The following MRPL22 variants were observed in gnomAD, a reference collection of about 807,000 sequenced individuals.
The protein encoded by MRPL22 is mitochondrial ribosomal protein L22.
MRPL22 carries 27 observed loss-of-function variants against 32.4 expected under a neutral mutation model. The observed-to-expected ratio is 0.83, with a 90% CI of 0.61 to 1.15. The LOEUF (loss-of-function observed/expected upper bound fraction) is 1.15, where lower values mean the gene tolerates loss of function less well. Ranked by LOEUF, MRPL22 falls within the 50% of genes most tolerant of loss-of-function variation. The probability of loss-of-function intolerance (pLI) is 0.00; values close to 1 mark genes in which losing one functional copy is unlikely to be tolerated. For missense variants in MRPL22, 239 were observed against 260.2 expected (o/e 0.92, Z 0.56); for synonymous variants, 86 against 87.3 (o/e 0.99, Z 0.08).
At chr5:154,956,891 G>A (rs953355969) in intron 4 of MRPL22, 1 of 443,280 alleles carries the variant, frequency 2.3e-6, no homozygotes, top group Non-Finnish European at 4.0e-6. Context: ...TGGTCTCTCT[G>A]TCATGTTTGC....
In MRPL22 at chr5:154,941,118, CG is replaced by C; in HGVS notation, c.10del (p.Ala4GlnfsTer14). The C allele has an allele frequency of 6.2e-7, 1 of 1,613,878 alleles. No homozygotes were observed. Among genetic ancestry groups the C allele is most frequent in the Non-Finnish European group, 8.5e-7 (1 of 1,180,020 alleles). ...GTAGCGGGAGGGCGAAAGATGGCGGCGGCAGTACTGGGACAGTTGGGTAAGG... is the reference window on the plus strand; with the variant it reads ...GTAGCGGGAGGGCGAAAGATGGCGGCGCAGTACTGGGACAGTTGGGTAAGG... Reference protein sequence around the residue: MAAAVLGQLGALW... With the variant: MAXAVLGQLGALW... On this transcript the variant is annotated frameshift_variant, in exon 1 of 7. Coordinates refer to ENST00000523037, the MANE Select transcript of MRPL22 (RefSeq NM_014180.4). LOFTEE classifies it high-confidence loss of function.
intron 2 of MRPL22, among the ~76,000 whole-genome samples, chr5:154,947,233 G>A (rs1274159671): frequency 2.0e-5 from 3 of 152,118 alleles, no homozygotes; most frequent in Non-Finnish European, 4.4e-5. Context: ...ACTTCCCCAA[G>A]GCCATTCACC....
intron 3 of MRPL22, 65 bp downstream of exon 3, chr5:154,951,003 A>G: frequency 3.9e-6 from 4 of 1,020,390 alleles, no homozygotes; most frequent in Non-Finnish European, 5.9e-6. Context: ...GTGATTAGTA[A>G]TGATTTATTA....
At chr5:154,965,649 G>A (rs1482451452) in intron 6 of MRPL22, among the ~76,000 whole-genome samples, 1 of 152,046 alleles carries the variant, frequency 6.6e-6, no homozygotes, top group Non-Finnish European at 1.5e-5. Flanking sequence ...TTAAACTCCT[G>A]ACCTTGTGGT....
At position 154,956,437 on chromosome 5, in the gene MRPL22, G is replaced by A; in HGVS notation, c.261+1G>A. 6.3e-7 allele frequency: 1 copy of A among 1,595,958 alleles called. No homozygotes were observed. Among genetic ancestry groups the A allele is most frequent in the Non-Finnish European group, 8.6e-7 (1 of 1,164,358 alleles). ...CAAGATGTGGTATTTGGCAAAATTG[G>A]TAAGCTGCAATGACTATTACCATAT... On this transcript the variant is annotated splice_donor_variant, in intron 4 of 6. Transcript: ENST00000523037. LOFTEE classifies it high-confidence loss of function.
intron 2 of MRPL22, among the ~76,000 whole-genome samples, chr5:154,950,242 A>G (rs970601256): frequency 6.6e-6 from 1 of 152,138 alleles, no homozygotes. Flanking sequence ...GAAACTGCCC[A>G]GCGATCTAAT....
At chr5:154,964,159 G>T (rs1345475866) in intron 6 of MRPL22, among the ~76,000 whole-genome samples, 5 of 152,130 alleles carry the variant, frequency 3.3e-5, no homozygotes, top group African/African-American at 1.2e-4. Context: ...AACAATAAGC[G>T]GTAGTTTTGA....
At chr5:154,963,878 G>T (rs1449412686) in intron 6 of MRPL22, among the ~76,000 whole-genome samples, 1 of 152,182 alleles carries the variant, frequency 6.6e-6, no homozygotes, top group South Asian at 2.1e-4. Context: ...GAGTCTGGAG[G>T]AATGCTCTTC....
chr5:154,949,892 A>T (rs1202362199), intron 2 of MRPL22, among the ~76,000 whole-genome samples: 2 of 152,084 alleles, frequency 1.3e-5, no homozygotes, highest in Non-Finnish European at 2.9e-5. Flanking sequence ...AAATTCTCTG[A>T]CTCAGTCAGA....
intron 3 of MRPL22, among the ~76,000 whole-genome samples, chr5:154,954,918 G>A (rs2113539558): frequency 6.6e-6 from 1 of 151,990 alleles, no homozygotes; most frequent in South Asian, 2.1e-4. Context: ...CAGCCTCCCG[G>A]GTAGCTGGGA....
Position 154,959,995 on chromosome 5 carries a change from C to A in MRPL22, c.355C>A (p.Gln119Lys). ...KIIKEVLLEA[Q>K]DMAVRDHNVE... The stretch of plus-strand genomic sequence containing the variant: ...CTTATTTAAGGTTCTCTTAGAAGCA[C>A]AAGATATGGCAGTGAGAGACCATAA... The change falls in exon 6 of 7, where the codon CAA becomes AAA. Residue 119 changes from glutamine to lysine, a missense_variant. Gln to Lys is a moderately conservative substitution (Grantham distance 53). Coordinates refer to ENST00000523037, the MANE Select transcript of MRPL22 (RefSeq NM_014180.4). 1 of 1,611,622 alleles carries A rather than the reference C, an allele frequency of 6.2e-7. No individual in the cohort carries two copies. The highest frequency in any genetic ancestry group is 8.5e-7 in the Non-Finnish European group (1 of 1,178,692).
At chr5:154,951,579 C>T (rs1764561929) in intron 3 of MRPL22, among the ~76,000 whole-genome samples, 1 of 151,748 alleles carries the variant, frequency 6.6e-6, no homozygotes, top group South Asian at 2.1e-4. Context: ...GCTCTGTCAC[C>T]CAGCTGGAGT....
chr5:154,954,317 C>T (rs1764603717), intron 3 of MRPL22, among the ~76,000 whole-genome samples: 1 of 152,058 alleles, frequency 6.6e-6, no homozygotes, highest in African/African-American at 2.4e-5. Context: ...ACACTTTTTC[C>T]TCATTTGAAT....
Position 154,966,725 on chromosome 5 carries a change from T to G in MRPL22, c.449T>G (p.Ile150Ser). The G allele has an allele frequency of 6.2e-7, 1 of 1,614,188 alleles. No individual in the cohort carries two copies. The highest frequency in any genetic ancestry group is 8.5e-7 in the Non-Finnish European group (1 of 1,180,038). Residue 150 changes from isoleucine (I) to serine (S), a missense_variant, in exon 7 of 7, where the codon ATC becomes AGC. Physicochemically the swap from Ile to Ser is moderately radical, Grantham distance 142. Coordinates refer to ENST00000523037, the MANE Select transcript of MRPL22 (RefSeq NM_014180.4). ...GGACGAGGCCAGTGCCTGAAACGCATCCGCTACCATGGCAGAGGTCGCTTT... is the reference window on the plus strand; with the variant it reads ...GGACGAGGCCAGTGCCTGAAACGCAGCCGCTACCATGGCAGAGGTCGCTTT... ...TSGRGQCLKR[I>S]RYHGRGRFGI...
At chr5:154,946,991 A>G (rs1418836814) in intron 2 of MRPL22, among the ~76,000 whole-genome samples, 1 of 150,904 alleles carries the variant, frequency 6.6e-6, no homozygotes. Context: ...ACTAGCCATC[A>G]GTGTTTATCA....
At chr5:154,961,787 A>G (rs1373456095) in intron 6 of MRPL22, among the ~76,000 whole-genome samples, 1 of 152,026 alleles carries the variant, frequency 6.6e-6, no homozygotes, top group East Asian at 1.9e-4. Context: ...CCTGGTCTCA[A>G]GTCATCTTCC....
At chr5:154,961,725 C>T (rs1764704934) in intron 6 of MRPL22, among the ~76,000 whole-genome samples, 1 of 152,070 alleles carries the variant, frequency 6.6e-6, no homozygotes, top group Non-Finnish European at 1.5e-5. Context: ...CTTGCTCTGT[C>T]ACTCAGGCTG....
Position 154,966,668 on chromosome 5 carries a change from C to G in MRPL22, c.410-18C>G, listed in dbSNP as rs767152463. 4.3e-6 allele frequency: 7 copies of G among 1,612,388 alleles called. No homozygotes were observed. The highest frequency in any genetic ancestry group is 1.1e-5 in the South Asian group (1 of 90,996). On this transcript the variant is annotated intron_variant, in intron 6 of 6. Coordinates refer to ENST00000523037, the MANE Select transcript of MRPL22 (RefSeq NM_014180.4). ...GATAACACTCATTTCCTGTAATTCT[C>G]TTTTTCTTCCTGTTTAGCTGAGTCC...
chr5:154,948,152 A>T (rs1015948953), intron 2 of MRPL22, among the ~76,000 whole-genome samples: 2 of 152,222 alleles, frequency 1.3e-5, no homozygotes, highest in Non-Finnish European at 2.9e-5. Context: ...ACCTCCATGT[A>T]TCCGTCACCC....
Sources: gnomAD v4.1 joint callset for allele counts (sites outside exome capture counted in the v4.1 genomes callset) on GRCh38, gnomAD v4.1.1 for gene constraint, MANE v1.5 for transcripts, NCBI Gene and HGNC (gene_info 2026-07-23, HGNC 2026-07-21) for gene names.